The following CASD1 variants were observed in gnomAD, a reference collection of about 807,000 sequenced individuals.
The protein encoded by CASD1 is CAS1 domain sialic acid O acetyltransferase 1, also known as N-acetylneuraminate (7)9-O-acetyltransferase.
In CASD1, 41 loss-of-function variants were observed where a neutral mutation model predicts 100.0. The observed-to-expected ratio is 0.41, with a 90% CI of 0.32 to 0.53. CASD1 has a LOEUF of 0.53. Ranked by LOEUF, CASD1 falls within the 20% of genes least tolerant of loss-of-function variation. The pLI, the probability that CASD1 is intolerant of heterozygous loss-of-function variation, is 0.25. For missense variants in CASD1, 774 were observed against 948.7 expected, an observed-to-expected ratio of 0.82 and a Z score of 2.42; for synonymous variants, 321 against 315.6, an observed-to-expected ratio of 1.02 and a Z score of -0.18.
In CASD1 at chr7:94,530,087, C is replaced by G. The variant is rs1794774010; in HGVS notation, c.459+1837C>G. Among the ~76,000 whole-genome samples, 3 of 152,230 alleles carry G rather than the reference C, an allele frequency of 2.0e-5. No homozygotes were observed. The South Asian group carries it at 6.2e-4, about 32-fold the overall frequency. On this transcript the variant is annotated intron_variant, in intron 5 of 17. Coordinates refer to ENST00000297273, the MANE Select transcript of CASD1 (RefSeq NM_022900.5). ...GCTAGATGAATAACACATACAGATA[C>G]TTAAGCAATGTGACAAGTGCTAAAA... is the stretch of plus-strand genomic sequence containing the variant.
chr7:94,549,535 T>A lies in CASD1; in HGVS notation c.1716T>A (p.Gly572=). The change falls in exon 14 of 18, where the codon GGT becomes GGA. Residue 572 remains glycine (G), a splice_region_variant and synonymous_variant. Transcript: ENST00000297273. ...ATTTTCTGGATTCCTTTTTTCAGGG[T>A]GCATTTGAGAAGATCTTTTCTCTTT... ...LFICFLAYSQ[G]AFEKIFSLWP... 1 of 1,604,202 alleles carries A rather than the reference T, an allele frequency of 6.2e-7. No homozygotes were observed. The highest frequency in any genetic ancestry group is 8.5e-7 in the Non-Finnish European group (1 of 1,175,086).
chr7:94,569,420 T>C, the CASD1 span, among the ~76,000 whole-genome samples: 1 of 152,242 alleles, frequency 6.6e-6, no homozygotes, highest in African/African-American at 2.4e-5. Flanking sequence ...TCCCAAGGAA[T>C]ATTGCTAAGT....
chr7:94,588,158 T>G, the CASD1 span: 1 of 1,115,658 alleles, frequency 9.0e-7, no homozygotes, highest in Non-Finnish European at 1.1e-6. Context: ...AAAGCAAGTC[T>G]TAGGGAAATA....
the CASD1 span, chr7:94,598,924 G>T: frequency 6.2e-7 from 1 of 1,613,816 alleles, no homozygotes; most frequent in Non-Finnish European, 8.5e-7. Context: ...GAAGCTCCTT[G>T]GTAGATTTCT....
At chr7:94,596,259 C>T in the CASD1 span, among the ~76,000 whole-genome samples, 7 of 152,100 alleles carry the variant, frequency 4.6e-5, no homozygotes, top group Admixed American at 1.3e-4. Flanking sequence ...AGCAACATTG[C>T]AAAATTCTAA....
chr7:94,586,078 A>AC, the CASD1 span, among the ~76,000 whole-genome samples: 21 of 150,324 alleles, frequency 1.4e-4, no homozygotes, highest in Non-Finnish European at 2.4e-4. Flanking sequence ...AAAAAAAAAA[A>AC]AAAAAAAAAC....
chr7:94,594,667 T>C, the CASD1 span: 1 of 152,108 alleles, frequency 6.6e-6, no homozygotes, highest in Non-Finnish European at 1.5e-5. Flanking sequence ...CATGGTACTG[T>C]AAGATGTTAA....
chr7:94,577,919 C>T, the CASD1 span, among the ~76,000 whole-genome samples: 1 of 152,130 alleles, frequency 6.6e-6, no homozygotes, highest in Non-Finnish European at 1.5e-5. Flanking sequence ...GGAACTCTAC[C>T]TTTGTTCTGT....
chr7:94,564,593 G>C, the CASD1 span, among the ~76,000 whole-genome samples: 164 of 152,256 alleles, frequency 1.1e-3, no homozygotes, highest in Non-Finnish European at 1.9e-3. Context: ...TGACTGCAGG[G>C]TCCTGGCTAA....
At chr7:94,585,486 C>A in the CASD1 span, 1 of 1,606,808 alleles carries the variant, frequency 6.2e-7, no homozygotes, top group South Asian at 1.1e-5. Flanking sequence ...TTGCTTCAGT[C>A]AGTTTTCTTT....
the CASD1 span, among the ~76,000 whole-genome samples, chr7:94,581,753 A>G: frequency 6.6e-6 from 1 of 152,030 alleles, no homozygotes; most frequent in Admixed American, 6.5e-5. Flanking sequence ...TATGTACCAC[A>G]TTTTCTTTAT....
chr7:94,510,132 C>T lies in CASD1; in HGVS notation c.48C>T (p.Tyr16=), dbSNP rs1351219631. Residue 16 remains tyrosine, a synonymous_variant, in exon 1 of 18, where the codon TAC becomes TAT. Coordinates refer to ENST00000297273, the MANE Select transcript of CASD1 (RefSeq NM_022900.5). ...YNLGKREINH[Y]FSVRSAKVLA... is the part of the protein sequence containing the mutation. ...TGGGCAAGCGGGAGATCAACCACTA[C>T]TTCAGCGTGAGGAGCGCCAAGGTGC... 1 of 1,530,076 alleles carries T rather than the reference C, an allele frequency of 6.5e-7. No homozygotes were observed. The allele number at this position is 1,530,076 out of a possible 1,614,324, so 94.8% of individuals were successfully genotyped here.
At chr7:94,633,343 G>A in the CASD1 span, among the ~76,000 whole-genome samples, 1 of 152,086 alleles carries the variant, frequency 6.6e-6, no homozygotes, top group South Asian at 2.1e-4. Flanking sequence ...AAAAACTTCT[G>A]AAGACAGGTA....
intron 1 of CASD1, among the ~76,000 whole-genome samples, chr7:94,512,728 C>T (rs1470751575): frequency 6.6e-6 from 1 of 152,172 alleles, no homozygotes; most frequent in Non-Finnish European, 1.5e-5. Context: ...CAGGGTGAGT[C>T]TTTAAAACTT....
chr7:94,586,118 A>AAATTCCAT, the CASD1 span, among the ~76,000 whole-genome samples: 1 of 150,874 alleles, frequency 6.6e-6, no homozygotes, highest in Admixed American at 6.6e-5. Context: ...TTCCCCTGAT[A>AAATTCCAT]AATTCCATAT....
chr7:94,561,101 G>A (rs986906681), downstream of CASD1, among the ~76,000 whole-genome samples: 24 of 152,034 alleles, frequency 1.6e-4, no homozygotes, highest in African/African-American at 5.6e-4. Flanking sequence ...CAAAAAATTA[G>A]CCAGGTGTGG....
At chr7:94,618,910 A>G in the CASD1 span, 306 of 1,614,018 alleles carry the variant, frequency 1.9e-4, no homozygotes, top group Admixed American at 8.5e-4. Flanking sequence ...TTTCTTCTAC[A>G]TTCATATTCT....
chr7:94,552,281 A>C, intron 15 of CASD1, 69 bp from the exon 16 acceptor site: 1 of 1,046,610 alleles, frequency 9.6e-7, no homozygotes, highest in Non-Finnish European at 1.5e-6. Context: ...TGTAAAAAAA[A>C]AACACTGTGA....
At chr7:94,516,821 C>G (rs1793999470) in intron 1 of CASD1, among the ~76,000 whole-genome samples, 1 of 151,960 alleles carries the variant, frequency 6.6e-6, no homozygotes, top group South Asian at 2.1e-4. Context: ...AAAACTAGGT[C>G]TCCAGGTATG....
Sources: gnomAD v4.1 joint callset for allele counts (sites outside exome capture counted in the v4.1 genomes callset) on GRCh38, gnomAD v4.1.1 for gene constraint, MANE v1.5 for transcripts, NCBI Gene and HGNC (gene_info 2026-07-23, HGNC 2026-07-21) for gene names.